ETS1: variants seen among roughly 807,000 people sequenced by gnomAD.
ETS1 encodes the protein protein C-ets-1.
In ETS1, 15 loss-of-function variants were observed where a neutral mutation model predicts 58.6. The observed-to-expected ratio is 0.26, with a 90% CI of 0.17 to 0.39. The LOEUF is 0.39. ETS1 is among the 10% of genes least tolerant of loss of function. ETS1 has a pLI of 1.00. For missense variants in ETS1, 417 were observed against 610.5 expected (o/e 0.68, Z 3.34); for synonymous variants, 214 against 218.2 (o/e 0.98, Z 0.17).
At chr11:128,523,716 T>A (rs1474314537) in intron 3 of ETS1, among the ~76,000 whole-genome samples, 1 of 152,246 alleles carries the variant, frequency 6.6e-6, no homozygotes, top group East Asian at 1.9e-4. Flanking sequence ...AAATCCCTCC[T>A]TAGTGACCAG....
At chr11:128,535,794 A>G (rs1283970626) in intron 3 of ETS1, among the ~76,000 whole-genome samples, 1 of 152,156 alleles carries the variant, frequency 6.6e-6, no homozygotes. Flanking sequence ...TGTCTTTCTA[A>G]TATTCATGGG....
At chr11:128,467,885 CCA>C (rs1017340517) in intron 8 of ETS1, among the ~76,000 whole-genome samples, 1 of 151,968 alleles carries the variant, frequency 6.6e-6, no homozygotes, top group Non-Finnish European at 1.5e-5. Context: ...CGGGAGAGCA[CCA>C]CACACACACT....
At position 128,566,550 on chromosome 11, in the gene ETS1, A is replaced by G. The variant is rs146831711; in HGVS notation, c.69+6512T>C. ...TGTAATCCCAGCACTTTGGGAGGCT[A>G]AGGTGGGCAGATCACGAGGTCAGGA... On this transcript the variant is annotated intron_variant, in intron 2 of 9. Transcript: ENST00000392668. Among the ~76,000 whole-genome samples, 196 of 152,220 alleles carry G rather than the reference A, an allele frequency of 1.3e-3. 1 individual carries two copies. The highest frequency in any genetic ancestry group is 2.3e-3 in the South Asian group (11 of 4,822).
At chr11:128,503,719 G>C (rs1049806294) in intron 3 of ETS1, among the ~76,000 whole-genome samples, 19 of 152,188 alleles carry the variant, frequency 1.2e-4, no homozygotes, top group African/African-American at 4.3e-4. Context: ...TTCTCTAAGG[G>C]CCCTGCTGAA....
At chr11:128,488,088 T>C (rs10466617) in intron 5 of ETS1, among the ~76,000 whole-genome samples, 671 of 152,314 alleles carry the variant, frequency 4.4e-3, no homozygotes, top group African/African-American at 0.015. Flanking sequence ...AATCTGCTAT[T>C]GTGTTTAGAA....
rs150493331 is a variant in ETS1 at position 128,462,740 on chromosome 11, A to G, written c.1243-164T>C. 7.4e-3 allele frequency among the ~76,000 whole-genome samples: 1,121 copies of G among 152,342 alleles called. 11 individuals are homozygous for G. Among genetic ancestry groups the G allele is most frequent in the African/African-American group, 0.026 (1,065 of 41,572 alleles). On this transcript the variant is annotated intron_variant, in intron 9 of 9. Transcript: ENST00000392668. Reference sequence around the variant, plus strand: ...GATATAGAAAATATTTTTCGGGCCTATCTCCTGAATTCCATTTTTCATGGG... The same window carrying G: ...GATATAGAAAATATTTTTCGGGCCTGTCTCCTGAATTCCATTTTTCATGGG...
chr11:128,467,903 C>A (rs1471330741), intron 8 of ETS1, among the ~76,000 whole-genome samples: 3 of 152,146 alleles, frequency 2.0e-5, no homozygotes, highest in Non-Finnish European at 4.4e-5. Context: ...ACACTCCACA[C>A]ACCCATCTCC....
At position 128,559,666 on chromosome 11, in the gene ETS1, G is replaced by A. The variant is rs1210056980; in HGVS notation, c.70-3231C>T. On this transcript the variant is annotated intron_variant, in intron 2 of 9. Transcript: ENST00000392668. ...CTCCTGAGAAGCCTTTCATGGTTTT[G>A]TTATCTAGACACCTGCCTGTTTATT... 3.3e-5 allele frequency among the ~76,000 whole-genome samples: 5 copies of A among 152,142 alleles called. No individual in the cohort carries two copies. The East Asian group carries it at 5.8e-4, about 18-fold the overall frequency.
intron 2 of ETS1, among the ~76,000 whole-genome samples, chr11:128,571,602 G>A (rs7928282): frequency 0.31 from 45,557 of 147,996 alleles, 8,558 homozygotes; most frequent in Non-Finnish European, 0.42. Flanking sequence ...AGTTAACTGT[G>A]TCATACTTAA....
chr11:128,459,209 T>A lies in ETS1; in HGVS notation c.*3152A>T, dbSNP rs977328562. The A allele has an allele frequency of 1.3e-5, 2 of 150,710 alleles. No individual in the cohort carries two copies. The highest frequency in any genetic ancestry group is 3.0e-5 in the Non-Finnish European group (2 of 67,706). 9.3% of individuals were successfully genotyped at this position (150,710 alleles called of 1,614,324 possible). A position where few individuals can be genotyped will look rare whatever the true frequency, so the allele number is the denominator to read the frequency against. On this transcript the variant is annotated 3_prime_UTR_variant, in exon 10 of 10. Transcript: ENST00000392668. ...TATTTTAATATATATATTTTATATA[T>A]GTATATGTATACATATATTTATGGT...
chr11:128,542,120 C>T (rs908970149), intron 3 of ETS1, among the ~76,000 whole-genome samples: 1 of 152,210 alleles, frequency 6.6e-6, no homozygotes, highest in African/African-American at 2.4e-5. Flanking sequence ...TCACAGTACC[C>T]CCTACACCTT....
At chr11:128,544,340 A>AATATATATATATATATATATATATATAT (rs10542616) in intron 3 of ETS1, among the ~76,000 whole-genome samples, 14 of 117,062 alleles carry the variant, frequency 1.2e-4, no homozygotes, top group Non-Finnish European at 1.6e-4. Context: ...ATTGTTTACT[A>AATATATATATATATATATATATATATAT]ATATATATAT....
intron 3 of ETS1, among the ~76,000 whole-genome samples, chr11:128,493,699 A>C (rs1862863947): frequency 6.6e-6 from 1 of 152,234 alleles, no homozygotes; most frequent in Admixed American, 6.5e-5. Flanking sequence ...GTGGAATTGT[A>C]GTTTAAAAAG....
chr11:128,522,338 C>G, intron 3 of ETS1: 1 of 1,027,550 alleles, frequency 9.7e-7, no homozygotes, highest in Non-Finnish European at 1.2e-6. Context: ...CTCTCGCCCT[C>G]CCGCGCTCTC....
intron 1 of ETS1, among the ~76,000 whole-genome samples, chr11:128,586,077 C>A (rs1865025863): frequency 6.6e-6 from 1 of 152,194 alleles, no homozygotes; most frequent in Non-Finnish European, 1.5e-5. Flanking sequence ...CAAAGATGCC[C>A]CCTCCATAAT....
At chr11:128,540,989 C>T (rs569175601) in intron 3 of ETS1, among the ~76,000 whole-genome samples, 1 of 152,326 alleles carries the variant, frequency 6.6e-6, no homozygotes, top group Non-Finnish European at 1.5e-5. Context: ...CTTTCCAAAT[C>T]GAGCTCTGTC....
At chr11:128,478,188 C>G (rs1306964357) in intron 8 of ETS1, among the ~76,000 whole-genome samples, 2 of 152,006 alleles carry the variant, frequency 1.3e-5, no homozygotes, top group African/African-American at 4.8e-5. Context: ...GAGATAATCA[C>G]CACCCCTTCT....
chr11:128,509,155 G>A (rs1435549520), intron 3 of ETS1, among the ~76,000 whole-genome samples: 1 of 152,188 alleles, frequency 6.6e-6, no homozygotes, highest in Non-Finnish European at 1.5e-5. Flanking sequence ...TACAGAAGAG[G>A]ATGGGTGGAA....
chr11:128,583,313 A>C (rs1251257847), intron 1 of ETS1, among the ~76,000 whole-genome samples: 1 of 152,198 alleles, frequency 6.6e-6, no homozygotes, highest in East Asian at 1.9e-4. Context: ...GGCTGGGGAG[A>C]ATTGAGTAGC....
Sources: allele counts gnomAD v4.1 joint callset (sites outside exome capture counted in the v4.1 genomes callset), GRCh38; gene constraint gnomAD v4.1.1; transcripts MANE v1.5; gene names NCBI Gene and HGNC (gene_info 2026-07-23, HGNC 2026-07-21).